The following STAG1 variants were observed in gnomAD, a reference collection of about 807,000 sequenced individuals.
The protein encoded by STAG1 is cohesin subunit SA-1.
STAG1 carries 26 observed loss-of-function variants against 170.9 expected under a neutral mutation model. The ratio of observed to expected loss-of-function variants is 0.15; its 90% CI spans 0.11 to 0.21. The LOEUF is 0.21. STAG1 is among the 10% of genes least tolerant of loss of function. The pLI, the probability that STAG1 is intolerant of heterozygous loss-of-function variation, is 1.00. For synonymous variants in STAG1, 514 were observed against 497.7 expected (o/e 1.03, Z -0.44); for missense variants, 964 against 1,509.5 (o/e 0.64, Z 5.99).
In STAG1 at chr3:136,658,218, C is replaced by T. The variant is rs79785948; in HGVS notation, c.-83-27237G>A. Reference sequence around the variant, plus strand: ...CACCCAAAAAAAAAAAAAAGCATTTCCAAGGGGTAATACTGATGATTAACG... The same window carrying T: ...CACCCAAAAAAAAAAAAAAGCATTTTCAAGGGGTAATACTGATGATTAACG... On this transcript the variant is annotated intron_variant, in intron 1 of 33. Transcript: ENST00000383202. 5.0e-3 allele frequency among the ~76,000 whole-genome samples: 756 copies of T among 151,462 alleles called. 3 individuals carry two copies. The highest frequency in any genetic ancestry group is 0.01 in the Middle Eastern group (3 of 294).
rs1940114758 is a variant in STAG1 at position 136,626,724 on chromosome 3, C to T, written c.30-3476G>A. Among the ~76,000 whole-genome samples the T allele has an allele frequency of 3.3e-5, 5 of 152,126 alleles. No individual in the cohort carries two copies. The South Asian group carries it at 1.0e-3, about 32-fold the overall frequency. On this transcript the variant is annotated intron_variant, in intron 2 of 33. Transcript: ENST00000383202. ...CCAAATAGGCCATGTTCAGTATAGACTATGTGTCAGTTTACATATGTTATC... is the reference window on the plus strand; with the variant it reads ...CCAAATAGGCCATGTTCAGTATAGATTATGTGTCAGTTTACATATGTTATC...
At chr3:136,457,069 T>C (rs1028638395) in intron 13 of STAG1, among the ~76,000 whole-genome samples, 1 of 152,178 alleles carries the variant, frequency 6.6e-6, no homozygotes, top group Non-Finnish European at 1.5e-5. Flanking sequence ...CAGGCAGGAT[T>C]GGCTTGTCTG....
intron 22 of STAG1, among the ~76,000 whole-genome samples, chr3:136,380,716 C>A (rs1037786250): frequency 2.0e-5 from 3 of 151,660 alleles, no homozygotes; most frequent in Admixed American, 6.6e-5. Flanking sequence ...ATTAAGTCAT[C>A]AAGATAAAAA....
intron 4 of STAG1, among the ~76,000 whole-genome samples, chr3:136,586,458 G>A (rs759126502): frequency 2.0e-5 from 3 of 152,150 alleles, no homozygotes; most frequent in Non-Finnish European, 4.4e-5. Context: ...AAATCAGCAA[G>A]TACAGAAAAA....
rs140434213 is a variant in STAG1, at chr3:136,339,624, C to T, written c.3672+867G>A. On this transcript the variant is annotated intron_variant, in intron 32 of 33. Coordinates refer to ENST00000383202, the MANE Select transcript of STAG1 (RefSeq NM_005862.3). Reference sequence around the variant, plus strand: ...AAGCAGCATGATTAATTTCTATGTACCCATCACCCAGTTTCAAAAATTGTC... The same window carrying T: ...AAGCAGCATGATTAATTTCTATGTATCCATCACCCAGTTTCAAAAATTGTC... Among the ~76,000 whole-genome samples, 871 of 152,268 alleles carry T rather than the reference C, an allele frequency of 5.7e-3. 12 individuals are homozygous for T. Among genetic ancestry groups the T allele is most frequent in the Admixed American group, 0.035 (529 of 15,284 alleles).
intron 4 of STAG1, among the ~76,000 whole-genome samples, chr3:136,600,722 A>G (rs1233708136): frequency 3.3e-5 from 5 of 151,750 alleles, no homozygotes; most frequent in Non-Finnish European, 7.4e-5. Context: ...TTTAGTAGAG[A>G]TGGGATTTTA....
intron 14 of STAG1, among the ~76,000 whole-genome samples, chr3:136,445,195 G>A (rs1054337491): frequency 2.6e-5 from 4 of 152,100 alleles, no homozygotes; most frequent in African/African-American, 9.7e-5. Flanking sequence ...CAAAGCCAGA[G>A]TAAATAATAC....
intron 7 of STAG1, among the ~76,000 whole-genome samples, chr3:136,509,751 G>A (rs1375660186): frequency 2.0e-5 from 3 of 152,278 alleles, no homozygotes; most frequent in East Asian, 3.9e-4. Context: ...AAACGAAGTC[G>A]AAGGACACTG....
intron 3 of STAG1, among the ~76,000 whole-genome samples, chr3:136,620,710 T>A (rs192201636): frequency 6.6e-6 from 1 of 152,238 alleles, no homozygotes; most frequent in Non-Finnish European, 1.5e-5. Flanking sequence ...CAGACAGCCA[T>A]GTGAACTAAT....
At chr3:136,586,604 T>G (rs1056119191) in intron 4 of STAG1, among the ~76,000 whole-genome samples, 9 of 152,240 alleles carry the variant, frequency 5.9e-5, no homozygotes, top group Admixed American at 4.6e-4. Context: ...CTAAGTAACC[T>G]GAAGGCAGTG....
intron 22 of STAG1, among the ~76,000 whole-genome samples, chr3:136,386,813 A>G (rs2086885296): frequency 6.6e-6 from 1 of 152,136 alleles, no homozygotes; most frequent in Non-Finnish European, 1.5e-5. Flanking sequence ...ATCCATAACT[A>G]TGAAATACGG....
chr3:136,493,830 T>C (rs1207373399), intron 9 of STAG1, among the ~76,000 whole-genome samples: 2 of 151,904 alleles, frequency 1.3e-5, no homozygotes, highest in Non-Finnish European at 2.9e-5. Flanking sequence ...CACACAAGAA[T>C]AAATAAGGGG....
intron 1 of STAG1, among the ~76,000 whole-genome samples, chr3:136,693,011 G>T (rs1321989565): frequency 6.6e-6 from 1 of 152,198 alleles, no homozygotes; most frequent in Non-Finnish European, 1.5e-5. Flanking sequence ...TAATAGAAAA[G>T]CAGGGCATGA....
intron 1 of STAG1, among the ~76,000 whole-genome samples, chr3:136,682,509 G>A (rs6789152): frequency 0.37 from 54,671 of 149,756 alleles, 10,998 homozygotes; most frequent in African/African-American, 0.53. Context: ...TATGTCACAC[G>A]AAAAAAACAC....
At chr3:136,380,782 G>A (rs978939967) in intron 22 of STAG1, among the ~76,000 whole-genome samples, 3 of 151,870 alleles carry the variant, frequency 2.0e-5, no homozygotes, top group Non-Finnish European at 4.4e-5. Flanking sequence ...CACTTTGGGA[G>A]GCTGAGGTTG....
At chr3:136,507,111 A>C (rs1308878386) in intron 7 of STAG1, among the ~76,000 whole-genome samples, 2 of 152,270 alleles carry the variant, frequency 1.3e-5, no homozygotes, top group Non-Finnish European at 2.9e-5. Context: ...ACTGAGGCAC[A>C]GATCAGCTAA....
At chr3:136,363,132 G>C (rs1364141221) in intron 26 of STAG1, among the ~76,000 whole-genome samples, 1 of 151,894 alleles carries the variant, frequency 6.6e-6, no homozygotes, top group Non-Finnish European at 1.5e-5. Context: ...TCTAGTCCAA[G>C]AATAAATCAC....
rs113737183 is a variant in STAG1, at chr3:136,433,711, T to C, written c.1547-52A>G. On this transcript the variant is annotated intron_variant, in intron 15 of 33. Transcript: ENST00000383202. Reference sequence around the variant, plus strand: ...TGAGTAGACAGTTTTACAACAACCATGTATTAAAAATGAACACATTATTAA... The same window carrying C: ...TGAGTAGACAGTTTTACAACAACCACGTATTAAAAATGAACACATTATTAA... 5.6e-4 allele frequency: 705 copies of C among 1,250,032 alleles called. 3 individuals carry two copies. Among genetic ancestry groups the C allele is most frequent in the African/African-American group, 2.9e-3 (190 of 66,572 alleles). 77.4% of individuals were successfully genotyped at this position (1,250,032 alleles called of 1,614,324 possible). A position where few individuals can be genotyped will look rare whatever the true frequency, so the allele number is the denominator to read the frequency against.
chr3:136,526,095 G>T (rs1935009618), intron 6 of STAG1, among the ~76,000 whole-genome samples: 1 of 152,178 alleles, frequency 6.6e-6, no homozygotes, highest in African/African-American at 2.4e-5. Flanking sequence ...GGAGAGTTCT[G>T]TAGATGTCTA....
Sources: allele counts gnomAD v4.1 joint callset (sites outside exome capture counted in the v4.1 genomes callset), GRCh38; gene constraint gnomAD v4.1.1; transcripts MANE v1.5; gene names NCBI Gene and HGNC (gene_info 2026-07-23, HGNC 2026-07-21).